The following DLG2 variants were observed in gnomAD, a reference collection of about 807,000 sequenced individuals.
DLG2 encodes discs large MAGUK scaffold protein 2.
DLG2 carries 45 observed loss-of-function variants against 132.5 expected under a neutral mutation model. The observed-to-expected ratio is 0.34, with a 90% CI of 0.27 to 0.44. The LOEUF (loss-of-function observed/expected upper bound fraction) is 0.44, where lower values mean the gene tolerates loss of function less well. DLG2 is among the 20% of genes least tolerant of loss of function. The pLI, the probability that DLG2 is intolerant of heterozygous loss-of-function variation, is 1.00. For synonymous variants in DLG2, 424 were observed against 419.6 expected (o/e 1.01, Z -0.13); for missense variants, 1,045 against 1,196.9 (o/e 0.87, Z 1.87).
At position 85,282,917 on chromosome 11, in the gene DLG2, C is replaced by T. The variant is rs533947468; in HGVS notation, c.186+2303G>A. Among the ~76,000 whole-genome samples the T allele has an allele frequency of 8.6e-5, 13 of 151,970 alleles. No individual in the cohort carries two copies. The East Asian group carries it at 1.4e-3, about 16-fold the overall frequency. The stretch of plus-strand genomic sequence containing the variant: ...AATACTACACAGCCATAAAAAGGAA[C>T]GAGATCATGCCCTTTGCAGGAACAT... On this transcript the variant is annotated intron_variant, in intron 4 of 27. Transcript: ENST00000376104.
At chr11:84,505,974 T>C (rs904201859) in intron 7 of DLG2, among the ~76,000 whole-genome samples, 13 of 152,106 alleles carry the variant, frequency 8.5e-5, no homozygotes, top group African/African-American at 3.1e-4. Context: ...TGTTACCTTA[T>C]ATGACAGAAG....
intron 7 of DLG2, among the ~76,000 whole-genome samples, chr11:84,366,147 G>A (rs2098681013): frequency 6.6e-6 from 1 of 151,966 alleles, no homozygotes; most frequent in African/African-American, 2.4e-5. Flanking sequence ...GAAGAGAGTG[G>A]GGGCCAATAT....
intron 3 of DLG2, among the ~76,000 whole-genome samples, chr11:85,353,350 G>C (rs955632168): frequency 1.3e-5 from 2 of 152,180 alleles, no homozygotes; most frequent in African/African-American, 4.8e-5. Flanking sequence ...AGATGCTGGA[G>C]AGGATGTGGA....
At position 84,441,525 on chromosome 11, in the gene DLG2, T is replaced by C. The variant is rs192738971; in HGVS notation, c.519+93045A>G. 3.3e-5 allele frequency among the ~76,000 whole-genome samples: 5 copies of C among 152,296 alleles called. No homozygotes were observed. The East Asian group carries it at 9.7e-4, about 29-fold the overall frequency. ...TCAATTCAGAGGAATGCCAAGATCT[T>C]GATATTAGTTACTTCTATACAAACT... On this transcript the variant is annotated intron_variant, in intron 7 of 27. Coordinates refer to ENST00000376104, the MANE Select transcript of DLG2 (RefSeq NM_001142699.3).
intron 4 of DLG2, among the ~76,000 whole-genome samples, chr11:85,157,931 C>T (rs376072608): frequency 4.6e-5 from 7 of 151,850 alleles, no homozygotes; most frequent in East Asian, 3.9e-4. Flanking sequence ...GCCTTTCCAC[C>T]GTTGTCTGAG....
chr11:85,432,045 G>A (rs1047916844), intron 3 of DLG2, among the ~76,000 whole-genome samples: 7 of 152,164 alleles, frequency 4.6e-5, no homozygotes, highest in African/African-American at 1.2e-4. Flanking sequence ...GGCCTGGAGC[G>A]AACTCCCAGC....
At chr11:85,200,097 G>A (rs561653762) in intron 4 of DLG2, among the ~76,000 whole-genome samples, 1 of 152,174 alleles carries the variant, frequency 6.6e-6, no homozygotes, top group African/African-American at 2.4e-5. Context: ...AATTCAGATA[G>A]GAGGTTGTAA....
chr11:83,800,177 C>T (rs1329987337), intron 17 of DLG2, among the ~76,000 whole-genome samples: 1 of 152,090 alleles, frequency 6.6e-6, no homozygotes, highest in Non-Finnish European at 1.5e-5. Flanking sequence ...AAGCACAATC[C>T]TAGGAGTCAG....
In DLG2 at chr11:85,197,254, C is replaced by G. The variant is rs576873562; in HGVS notation, c.187-42603G>C. Among the ~76,000 whole-genome samples, 11 of 152,236 alleles carry G rather than the reference C, an allele frequency of 7.2e-5. No individual in the cohort carries two copies. The East Asian group carries it at 1.9e-3, about 27-fold the overall frequency. ...TGTGTTACATTGTGAAAAGTCAACTCACGTTTTAGAACCAGAGTTCTGTTT... is the reference window on the plus strand; with the variant it reads ...TGTGTTACATTGTGAAAAGTCAACTGACGTTTTAGAACCAGAGTTCTGTTT... On this transcript the variant is annotated intron_variant, in intron 4 of 27. Coordinates refer to ENST00000376104, the MANE Select transcript of DLG2 (RefSeq NM_001142699.3).
At chr11:84,748,735 A>G (rs1343196975) in intron 6 of DLG2, among the ~76,000 whole-genome samples, 1 of 152,218 alleles carries the variant, frequency 6.6e-6, no homozygotes, top group East Asian at 1.9e-4. Flanking sequence ...TCATCTTGGT[A>G]TATTTGGCTG....
At chr11:84,296,538 A>G (rs951754954) in intron 7 of DLG2, among the ~76,000 whole-genome samples, 5 of 152,076 alleles carry the variant, frequency 3.3e-5, no homozygotes, top group Non-Finnish European at 5.9e-5. Context: ...TCCTGGGCTC[A>G]AGGGATGTGC....
At chr11:84,515,274 AAT>A (rs1366589994) in intron 7 of DLG2, among the ~76,000 whole-genome samples, 1 of 85,460 alleles carries the variant, frequency 1.2e-5, no homozygotes, top group African/African-American at 4.5e-5. Context: ...AATGAACTTA[AAT>A]ACACACACAC....
intron 4 of DLG2, among the ~76,000 whole-genome samples, chr11:85,170,799 A>G (rs1213663467): frequency 6.6e-6 from 1 of 152,112 alleles, no homozygotes; most frequent in Admixed American, 6.6e-5. Flanking sequence ...CTGACAGGAG[A>G]GAGAGACTTG....
intron 18 of DLG2, among the ~76,000 whole-genome samples, chr11:83,710,798 G>A (rs188206403): frequency 2.6e-5 from 4 of 152,236 alleles, no homozygotes; most frequent in Admixed American, 6.5e-5. Flanking sequence ...AGAAGAAGCT[G>A]AGGGCAGGTG....
chr11:85,524,558 T>C (rs952738739), intron 3 of DLG2, among the ~76,000 whole-genome samples: 1 of 152,194 alleles, frequency 6.6e-6, no homozygotes, highest in African/African-American at 2.4e-5. Context: ...AGTGGCATGA[T>C]CCCAGCTCAC....
At chr11:84,454,239 G>C (rs2099059290) in intron 7 of DLG2, among the ~76,000 whole-genome samples, 1 of 151,402 alleles carries the variant, frequency 6.6e-6, no homozygotes, top group African/African-American at 2.4e-5. Context: ...AAAGGAAGGA[G>C]GAAGAAGAAG....
chr11:85,382,987 C>T (rs1347917758), intron 3 of DLG2, among the ~76,000 whole-genome samples: 1 of 151,904 alleles, frequency 6.6e-6, no homozygotes, highest in Non-Finnish European at 1.5e-5. Context: ...CAGTATAGAC[C>T]CAAGAGAACT....
At position 85,133,291 on chromosome 11, in the gene DLG2, G is replaced by A. The variant is rs778983229; in HGVS notation, c.282+21265C>T. ...CACTGAGTAACACAAAAAACTACCC[G>A]TCCCATCTACCAAATGGCTGTCGTT... On this transcript the variant is annotated intron_variant, in intron 5 of 27. Coordinates refer to ENST00000376104, the MANE Select transcript of DLG2 (RefSeq NM_001142699.3). Among the ~76,000 whole-genome samples, 11 of 152,140 alleles carry A rather than the reference G, an allele frequency of 7.2e-5. No homozygotes were observed. The East Asian group carries it at 1.7e-3, about 24-fold the overall frequency.
intron 5 of DLG2, among the ~76,000 whole-genome samples, chr11:85,119,900 G>A (rs572107932): frequency 6.6e-6 from 1 of 152,064 alleles, no homozygotes; most frequent in South Asian, 2.1e-4. Flanking sequence ...AACTACATGG[G>A]AAAGGTAACA....
Sources: gnomAD v4.1 joint callset for allele counts (sites outside exome capture counted in the v4.1 genomes callset) on GRCh38, gnomAD v4.1.1 for gene constraint, MANE v1.5 for transcripts, NCBI Gene and HGNC (gene_info 2026-07-23, HGNC 2026-07-21) for gene names.